Variants in SH3D19 observed in about 807,000 individuals in gnomAD.
SH3D19 encodes the protein SH3 domain-containing protein 19.
Under a neutral mutation model 112.1 loss-of-function variants are expected in SH3D19, and 58 were observed. The observed-to-expected ratio is 0.52, with a 90% CI of 0.42 to 0.64. The LOEUF (loss-of-function observed/expected upper bound fraction) is 0.64. SH3D19 is among the 30% of genes least tolerant of loss of function. SH3D19 has a pLI of 0.00. For synonymous variants in SH3D19, 391 were observed against 448.5 expected, an observed-to-expected ratio of 0.87 and a Z score of 1.62; for missense variants, 1,090 against 1,263.4, an observed-to-expected ratio of 0.86 and a Z score of 2.08.
chr4:151,283,600 C>T (rs186154257), intron 1 of SH3D19, among the ~76,000 whole-genome samples: 98 of 151,044 alleles, frequency 6.5e-4, no homozygotes, highest in Middle Eastern at 6.8e-3. Flanking sequence ...TTACTACAGC[C>T]TCCAGCTCCT....
At chr4:151,132,892 C>T in intron 16 of SH3D19, 142 bp downstream of exon 16, 2 of 770,672 alleles carry the variant, frequency 2.6e-6, no homozygotes, top group Admixed American at 2.9e-5. Context: ...GTCTATCCCA[C>T]ACAAATTCCC....
At chr4:151,286,937 G>A (rs997796523) in intron 1 of SH3D19, among the ~76,000 whole-genome samples, 4 of 151,074 alleles carry the variant, frequency 2.6e-5, no homozygotes, top group Middle Eastern at 3.5e-3. Flanking sequence ...CCGAGATCGC[G>A]CCACTGCACT....
intron 9 of SH3D19, among the ~76,000 whole-genome samples, chr4:151,150,204 A>AAAAAAAT (rs1561234777): frequency 1.7e-5 from 1 of 59,008 alleles, no homozygotes; most frequent in Admixed American, 2.2e-4. Flanking sequence ...AAAAAAAAAA[A>AAAAAAAT]AAATATATAT....
chr4:151,218,921 G>A (rs1275771091), intron 2 of SH3D19, among the ~76,000 whole-genome samples: 1 of 152,082 alleles, frequency 6.6e-6, no homozygotes, highest in Non-Finnish European at 1.5e-5. Flanking sequence ...AAAAATGGTG[G>A]CAGGCCAGAT....
At position 151,127,665 on chromosome 4, in the gene SH3D19, C is replaced by T; in HGVS notation, c.2980G>A (p.Ala994Thr). The T allele has an allele frequency of 1.2e-6, 2 of 1,606,632 alleles. No homozygotes were observed. The highest frequency in any genetic ancestry group is 1.7e-6 in the Non-Finnish European group (2 of 1,177,602). Reference sequence around the variant, plus strand: ...TTCTCCCCTCGGAAATCATATAAGGCTTTGGCCTTCCTCCCCTTCGGTACT... The same window carrying T: ...TTCTCCCCTCGGAAATCATATAAGGTTTTGGCCTTCCTCCCCTTCGGTACT... The part of the protein sequence containing the change: ...AIVPKGRKAK[A>T]LYDFRGENED... The change falls in exon 19 of 20, where the codon GCC (alanine) becomes ACC (threonine). Residue 994 changes from alanine to threonine, a missense_variant. Transcript: ENST00000604030.
At chr4:151,138,410 T>C (rs916566320) in intron 13 of SH3D19, among the ~76,000 whole-genome samples, 2 of 152,036 alleles carry the variant, frequency 1.3e-5, no homozygotes, top group African/African-American at 2.4e-5. Flanking sequence ...AAAGTACTTA[T>C]ATTGTGCGTG....
At chr4:151,303,569 C>T (rs1561446817) in intron 1 of SH3D19, among the ~76,000 whole-genome samples, 1 of 152,124 alleles carries the variant, frequency 6.6e-6, no homozygotes, top group African/African-American at 2.4e-5. Context: ...TGACACACTC[C>T]AGGCCCTCCT....
At chr4:151,125,491 CCA>C (rs1561184737) in intron 19 of SH3D19, among the ~76,000 whole-genome samples, 32 of 97,062 alleles carry the variant, frequency 3.3e-4, no homozygotes, top group Non-Finnish European at 4.7e-4. Flanking sequence ...CAAAACAAAA[CCA>C]AAAAAAAAAA....
At chr4:151,305,178 T>C (rs1364515358) in intron 1 of SH3D19, among the ~76,000 whole-genome samples, 2 of 152,212 alleles carry the variant, frequency 1.3e-5, no homozygotes, top group East Asian at 1.9e-4. Flanking sequence ...TGTTACATTA[T>C]AATATTCAAA....
intron 1 of SH3D19, among the ~76,000 whole-genome samples, chr4:151,271,650 T>C (rs1416049303): frequency 1.3e-5 from 2 of 152,150 alleles, no homozygotes; most frequent in African/African-American, 4.8e-5. Flanking sequence ...GAAGCCCTGG[T>C]CAATAGGTAC....
chr4:151,315,162 A>C (rs1348913351), intron 1 of SH3D19, among the ~76,000 whole-genome samples: 1 of 152,144 alleles, frequency 6.6e-6, no homozygotes, highest in Non-Finnish European at 1.5e-5. Context: ...GACCTTGAGG[A>C]GATTATTCAC....
At chr4:151,279,256 C>T in intron 1 of SH3D19, 1 of 220,498 alleles carries the variant, frequency 4.5e-6, no homozygotes, top group South Asian at 6.2e-5. Flanking sequence ...TTTTTAGAGA[C>T]CTGGTTTCAC....
At chr4:151,252,333 C>A (rs1313618251) in intron 1 of SH3D19, among the ~76,000 whole-genome samples, 1 of 152,198 alleles carries the variant, frequency 6.6e-6, no homozygotes, top group African/African-American at 2.4e-5. Flanking sequence ...CCCTTTTATT[C>A]TCTCTTGAGC....
At chr4:151,170,115 T>C (rs1392201652) in intron 7 of SH3D19, among the ~76,000 whole-genome samples, 1 of 152,200 alleles carries the variant, frequency 6.6e-6, no homozygotes, top group East Asian at 1.9e-4. Flanking sequence ...GTCCATTATG[T>C]GTATATGTGT....
At position 151,194,708 on chromosome 4, in the gene SH3D19, G is replaced by A. The variant is rs138133471; in HGVS notation, c.153-7245C>T. ...TGGGATCACAGGCATGAGCCACCGT[G>A]CCTGGCTAAACTTTTGTCCTATTAG... is the stretch of plus-strand genomic sequence containing the variant. On this transcript the variant is annotated intron_variant, in intron 2 of 19. Transcript: ENST00000604030. Among the ~76,000 whole-genome samples the A allele has an allele frequency of 2.3e-3, 347 of 149,786 alleles. 1 individual carries two copies. Among genetic ancestry groups the A allele is most frequent in the African/African-American group, 7.9e-3 (326 of 41,326 alleles).
At chr4:151,169,620 A>G (rs759465028) in intron 7 of SH3D19, among the ~76,000 whole-genome samples, 27 of 152,214 alleles carry the variant, frequency 1.8e-4, no homozygotes, top group East Asian at 5.8e-4. Context: ...TTTTTCCAAC[A>G]TAAGTTATAA....
intron 1 of SH3D19, among the ~76,000 whole-genome samples, chr4:151,297,853 T>C (rs1336509075): frequency 2.0e-5 from 3 of 152,218 alleles, no homozygotes; most frequent in African/African-American, 7.2e-5. Flanking sequence ...ATCATCTGTA[T>C]TATCTGGTGG....
chr4:151,134,658 G>T (rs1433327457), intron 15 of SH3D19, among the ~76,000 whole-genome samples: 1 of 152,210 alleles, frequency 6.6e-6, no homozygotes, highest in Non-Finnish European at 1.5e-5. Flanking sequence ...CACTGGCATA[G>T]ACTGTCTTTG....
In SH3D19 at chr4:151,122,185, A is replaced by G; in HGVS notation, c.3050T>C (p.Leu1017Pro). The G allele has an allele frequency of 1.2e-6, 2 of 1,604,256 alleles. No individual in the cohort carries two copies. Among genetic ancestry groups the G allele is most frequent in the Middle Eastern group, 3.3e-4 (2 of 6,050 alleles). ...CATCCAGTCATCATCTACAGATTCC[A>G]GCTCTGTTATTATATCTCCAGCCTG... Reference protein sequence around the residue: ...SFKAGDIITELESVDDDWMSG... With the variant: ...SFKAGDIITEPESVDDDWMSG... The change falls in exon 20 of 20, where the codon CTG (leucine) becomes CCG (proline). Residue 1017 changes from leucine (L) to proline (P), a missense_variant. Transcript: ENST00000604030.
Sources: allele counts gnomAD v4.1 joint callset (sites outside exome capture counted in the v4.1 genomes callset), GRCh38; gene constraint gnomAD v4.1.1; transcripts MANE v1.5; gene names NCBI Gene and HGNC (gene_info 2026-07-23, HGNC 2026-07-21).